NEK5: variants seen among roughly 807,000 people sequenced by gnomAD.
NEK5 encodes NIMA related kinase 5.
In NEK5, 88 loss-of-function variants were observed where a neutral mutation model predicts 109.2. That is an observed-to-expected ratio of 0.81 (90% CI 0.68 to 0.96). The LOEUF (loss-of-function observed/expected upper bound fraction) is 0.96. NEK5 is among the 40% of genes least tolerant of loss of function. The probability of loss-of-function intolerance (pLI) is 0.00; values close to 1 mark genes in which losing one functional copy is unlikely to be tolerated. For missense variants in NEK5, 834 were observed against 920.7 expected (o/e 0.91, Z 1.22); for synonymous variants, 283 against 299.9 (o/e 0.94, Z 0.58).
chr13:52,101,125 G>A lies in NEK5; in HGVS notation c.892+808C>T, dbSNP rs1378795961. ...CTAAAATAGTTTTCTCCGGCCTGGC[G>A]CGGTGGCTCACGCCTGTAATCCCAG... On this transcript the variant is annotated intron_variant, in intron 11 of 23. Transcript: ENST00000684899. Among the ~76,000 whole-genome samples the A allele has an allele frequency of 2.0e-5, 3 of 152,112 alleles. No homozygotes were observed. The East Asian group carries it at 5.8e-4, about 29-fold the overall frequency.
intron 19 of NEK5, among the ~76,000 whole-genome samples, chr13:52,075,199 T>C (rs1206598389): frequency 2.0e-5 from 3 of 152,148 alleles, no homozygotes; most frequent in Admixed American, 1.3e-4. Context: ...CTATTCACAA[T>C]AGCAAAGTCA....
At chr13:52,052,989 T>C (rs913964172) in intron 22 of NEK5, among the ~76,000 whole-genome samples, 6 of 152,184 alleles carry the variant, frequency 3.9e-5, no homozygotes, top group African/African-American at 1.4e-4. Flanking sequence ...AAGAGATTGA[T>C]AGTCTAAAGT....
chr13:52,038,823 C>T (rs9316565), intron 23 of NEK5, among the ~76,000 whole-genome samples: 15,348 of 54,152 alleles, frequency 0.28, 831 homozygotes, highest in Middle Eastern at 0.44. Flanking sequence ...AGACACTCAT[C>T]TGAAAAAAAA....
chr13:52,054,292 G>A (rs74423192), intron 22 of NEK5, among the ~76,000 whole-genome samples: 8,200 of 152,226 alleles, frequency 0.054, 568 homozygotes, highest in African/African-American at 0.16. Context: ...TTGTTATGAA[G>A]GAATAAATAA....
At chr13:52,113,856 C>T (rs1349114764) in intron 4 of NEK5, among the ~76,000 whole-genome samples, 1 of 152,104 alleles carries the variant, frequency 6.6e-6, no homozygotes. Flanking sequence ...CAAGAGAGAA[C>T]CCTCTCCCCT....
intron 23 of NEK5, among the ~76,000 whole-genome samples, chr13:52,047,838 G>A (rs937644388): frequency 1.4e-4 from 22 of 151,970 alleles, no homozygotes; most frequent in African/African-American, 5.3e-4. Flanking sequence ...GAAAGATCCT[G>A]TCTCAAAACA....
chr13:52,122,650 C>T (rs767893263), intron 3 of NEK5, among the ~76,000 whole-genome samples: 2 of 152,030 alleles, frequency 1.3e-5, no homozygotes, highest in Non-Finnish European at 2.9e-5. Context: ...GCCTGTAGTC[C>T]CAGCTACTCA....
rs1164903856 is a variant in NEK5, at chr13:52,112,285, A to T, written c.295T>A (p.Leu99Ile). 1 of 1,607,040 alleles carries T rather than the reference A, an allele frequency of 6.2e-7. No homozygotes were observed. Among genetic ancestry groups the T allele is most frequent in the Non-Finnish European group, 8.5e-7 (1 of 1,173,946 alleles). ...GTTTTTACCTGATCTTCACTAAATA[A>T]CACACCCCGTTGTCTATTGATCCTT... ...MKRINRQRGV[L>I]FSEDQILGWF... Residue 99 changes from leucine to isoleucine, a missense_variant, in exon 5 of 24, where the codon TTA becomes ATA. Transcript: ENST00000684899.
chr13:52,100,434 G>A (rs1955506612), intron 11 of NEK5, among the ~76,000 whole-genome samples: 1 of 152,188 alleles, frequency 6.6e-6, no homozygotes, highest in Non-Finnish European at 1.5e-5. Context: ...GCTAATTTTT[G>A]TATTTTTAGT....
intron 5 of NEK5, among the ~76,000 whole-genome samples, chr13:52,111,172 T>C (rs1266899722): frequency 6.6e-6 from 1 of 152,208 alleles, no homozygotes; most frequent in African/African-American, 2.4e-5. Context: ...TTTATGAAAA[T>C]GTGTTCTATG....
At chr13:52,082,175 C>T (rs943615344) in intron 17 of NEK5, 2 of 254,654 alleles carry the variant, frequency 7.9e-6, no homozygotes, top group Non-Finnish European at 1.5e-5. Context: ...ATTAGCTGGG[C>T]GCGGTGGCAG....
At chr13:52,061,330 C>T (rs1954612669) in intron 22 of NEK5, among the ~76,000 whole-genome samples, 2 of 152,194 alleles carry the variant, frequency 1.3e-5, no homozygotes, top group Admixed American at 6.5e-5. Context: ...TGCTGTGTGG[C>T]CTGGTTCCTA....
chr13:52,095,734 A>G (rs985257030), intron 12 of NEK5, among the ~76,000 whole-genome samples: 2 of 152,364 alleles, frequency 1.3e-5, no homozygotes, highest in Admixed American at 1.3e-4. Context: ...CAAAAAGTAA[A>G]AACTAGCTGG....
intron 20 of NEK5, 136 bp downstream of exon 20, chr13:52,071,808 T>A: frequency 1.4e-6 from 1 of 719,368 alleles, no homozygotes; most frequent in Non-Finnish European, 2.4e-6. Flanking sequence ...ATAATAAGTG[T>A]GTTTCTGCCT....
intron 8 of NEK5, among the ~76,000 whole-genome samples, chr13:52,107,863 G>GGACCTA (rs1955684597): frequency 2.6e-5 from 4 of 152,078 alleles, no homozygotes; most frequent in Admixed American, 2.6e-4. Flanking sequence ...AATCACCCCA[G>GGACCTA]GACCTAGACC....
chr13:52,127,684 T>C (rs575979679), intron 1 of NEK5, 22 bp from the exon 2 acceptor site: 40 of 528,316 alleles, frequency 7.6e-5, no homozygotes, highest in African/African-American at 7.1e-4. Context: ...CAGAGTTTCT[T>C]GGTCAGACAC....
chr13:52,107,369 G>C (rs575198306), intron 8 of NEK5, among the ~76,000 whole-genome samples: 4 of 152,218 alleles, frequency 2.6e-5, no homozygotes, highest in Non-Finnish European at 2.9e-5. Context: ...GAGGCAGGCA[G>C]ATCGTGAGGT....
chr13:52,119,162 A>G (rs1023425081), intron 4 of NEK5, among the ~76,000 whole-genome samples, 157 bp downstream of exon 4: 1 of 152,214 alleles, frequency 6.6e-6, no homozygotes, highest in African/African-American at 2.4e-5. Context: ...ACTAGAGAGG[A>G]AATAACGAGG....
At chr13:52,114,433 T>G (rs530976887) in intron 4 of NEK5, among the ~76,000 whole-genome samples, 1 of 152,386 alleles carries the variant, frequency 6.6e-6, no homozygotes, top group Admixed American at 6.5e-5. Context: ...GTGTCTACCC[T>G]TGGTTGCTTC....
Sources: gnomAD v4.1 joint callset for allele counts (sites outside exome capture counted in the v4.1 genomes callset) on GRCh38, gnomAD v4.1.1 for gene constraint, MANE v1.5 for transcripts, NCBI Gene and HGNC (gene_info 2026-07-23, HGNC 2026-07-21) for gene names.